Variants in TGFBRAP1 observed in about 807,000 individuals in gnomAD.
TGFBRAP1 encodes transforming growth factor-beta receptor-associated protein 1.
In TGFBRAP1, 20 loss-of-function variants were observed where a neutral mutation model predicts 83.2. The observed-to-expected ratio is 0.24, with a 90% confidence interval of 0.17 to 0.35. The LOEUF (loss-of-function observed/expected upper bound fraction) is 0.35, where lower values mean the gene tolerates loss of function less well. Among genes scored for constraint, TGFBRAP1 ranks in the 10% least tolerant of loss-of-function variants. The probability of loss-of-function intolerance (pLI) is 1.00; values close to 1 mark genes in which losing one functional copy is unlikely to be tolerated. For missense variants in TGFBRAP1, 950 were observed against 1,099.4 expected, an observed-to-expected ratio of 0.86 and a Z score of 1.92; for synonymous variants, 415 against 459.8, an observed-to-expected ratio of 0.90 and a Z score of 1.25.
In TGFBRAP1 at chr2:105,267,341, G is replaced by A; in HGVS notation, c.*42C>T. The A allele has an allele frequency of 6.2e-7, 1 of 1,607,414 alleles. No individual in the cohort carries two copies. The highest frequency in any genetic ancestry group is 8.5e-7 in the Non-Finnish European group (1 of 1,175,836). On this transcript the variant is annotated 3_prime_UTR_variant, in exon 12 of 12. Coordinates refer to ENST00000393359, the MANE Select transcript of TGFBRAP1 (RefSeq NM_004257.6). Reference sequence around the variant, plus strand: ...CTGCTCTTCATGTCCAGCAGGCTCAGAAAGAACTCGGAGTTCCCCTCGCAC... The same window carrying A: ...CTGCTCTTCATGTCCAGCAGGCTCAAAAAGAACTCGGAGTTCCCCTCGCAC...
chr2:105,257,086 G>A, the TGFBRAP1 span, among the ~76,000 whole-genome samples: 2 of 152,172 alleles, frequency 1.3e-5, no homozygotes, highest in East Asian at 3.9e-4. Context: ...AGCCCTTGGG[G>A]CTGCTCTATG....
At chr2:105,286,070 A>G (rs1677710362) in intron 4 of TGFBRAP1, among the ~76,000 whole-genome samples, 1 of 152,132 alleles carries the variant, frequency 6.6e-6, no homozygotes, top group Non-Finnish European at 1.5e-5. Flanking sequence ...CAGAACGGCA[A>G]TTTATTCCTT....
At chr2:105,326,847 T>C (rs1679238365) in intron 1 of TGFBRAP1, among the ~76,000 whole-genome samples, 1 of 152,252 alleles carries the variant, frequency 6.6e-6, no homozygotes, top group Non-Finnish European at 1.5e-5. Context: ...GTTACTTGAC[T>C]ATCAAGAAAA....
At chr2:105,299,726 C>T (rs945550964) in intron 2 of TGFBRAP1, among the ~76,000 whole-genome samples, 10 of 152,010 alleles carry the variant, frequency 6.6e-5, no homozygotes, top group African/African-American at 2.4e-4. Flanking sequence ...GAGACCCCAC[C>T]TCAAAATAAA....
rs1427943234 is a variant in TGFBRAP1 at position 105,265,172 on chromosome 2, T to TA, written c.*2210dup. 2.0e-5 allele frequency: 3 copies of TA among 152,054 alleles called. No homozygotes were observed. Among genetic ancestry groups the TA allele is most frequent in the African/African-American group, 7.2e-5 (3 of 41,396 alleles). 9.4% of individuals were successfully genotyped at this position (152,054 alleles called of 1,614,324 possible). A position where few individuals can be genotyped will look rare whatever the true frequency, so the allele number is the denominator to read the frequency against. On this transcript the variant is annotated 3_prime_UTR_variant, in exon 12 of 12. Transcript: ENST00000393359. Reference sequence around the variant, plus strand: ...TATTGATCAATGTTCAGTGAAAAAATAAAAATGACTAGTGTTGGCTGGGCG... The same window carrying TA: ...TATTGATCAATGTTCAGTGAAAAAATAAAAAATGACTAGTGTTGGCTGGGCG...
At chr2:105,313,406 T>C (rs760427080) in intron 1 of TGFBRAP1, among the ~76,000 whole-genome samples, 3 of 152,228 alleles carry the variant, frequency 2.0e-5, no homozygotes, top group African/African-American at 4.8e-5. Flanking sequence ...GGCTACATTC[T>C]GATTTAATAG....
chr2:105,313,445 G>A (rs985694872), intron 1 of TGFBRAP1, among the ~76,000 whole-genome samples: 13 of 152,174 alleles, frequency 8.5e-5, no homozygotes, highest in African/African-American at 2.7e-4. Flanking sequence ...AGCAAGCACT[G>A]GGTCCAGATG....
At chr2:105,309,238 T>A (rs1294578614) in intron 1 of TGFBRAP1, among the ~76,000 whole-genome samples, 1 of 152,186 alleles carries the variant, frequency 6.6e-6, no homozygotes. Context: ...AAAGGCACAG[T>A]CCCTGTGAGC....
At chr2:105,311,818 A>G (rs986085000) in intron 1 of TGFBRAP1, among the ~76,000 whole-genome samples, 1 of 151,936 alleles carries the variant, frequency 6.6e-6, no homozygotes, top group African/African-American at 2.4e-5. Context: ...CTGAGGCAGG[A>G]GAATCGCTTG....
chr2:105,316,463 G>GT lies in TGFBRAP1; in HGVS notation c.-17-8146_-17-8145insA, dbSNP rs1558654612. Among the ~76,000 whole-genome samples the GT allele has an allele frequency of 1.0e-4, 4 of 38,954 alleles. No homozygotes were observed. In the South Asian group the frequency reaches 3.3e-3, roughly 32 times the overall value. The allele number at this position is 38,954 out of a possible 152,430, so 25.6% of individuals were successfully genotyped here. A position where few individuals can be genotyped will look rare whatever the true frequency, so the allele number is the denominator to read the frequency against. The stretch of plus-strand genomic sequence containing the variant: ...TGTGTGTGTGTGTGTGTGTGTGTGT[G>GT]CGCGCGCGCGCGCGCGCACGCGCAC... On this transcript the variant is annotated intron_variant, in intron 1 of 11. Coordinates refer to ENST00000393359, the MANE Select transcript of TGFBRAP1 (RefSeq NM_004257.6).
In TGFBRAP1 at chr2:105,269,466, C is replaced by T. The variant is rs892024181; in HGVS notation, c.2212G>A (p.Val738Met). 8.1e-6 allele frequency: 13 copies of T among 1,612,852 alleles called. No homozygotes were observed. Among genetic ancestry groups the T allele is most frequent in the African/African-American group, 1.3e-5 (1 of 74,964 alleles). The change falls in exon 11 of 12, where the codon GTG becomes ATG. Residue 738 changes from valine (V) to methionine (M), a missense_variant. By Grantham distance (21) the Val-to-Met change is conservative. Coordinates refer to ENST00000393359, the MANE Select transcript of TGFBRAP1 (RefSeq NM_004257.6). This position sits in a 1 kb window ranked among gnomAD's most constrained non-coding sequence, Gnocchi z 4.1. Reference protein sequence around the residue: ...PTAHELAVAAVDLLNRHATEF... With the variant: ...PTAHELAVAAMDLLNRHATEF... ...GTGGCGTGGCGGTTCAGCAGGTCCA[C>T]GGCAGCCACGGCCAGCTCGTGGGCA...
At chr2:105,298,469 G>C in intron 3 of TGFBRAP1, 42 bp downstream of exon 3, 2 of 1,528,174 alleles carry the variant, frequency 1.3e-6, no homozygotes, top group Non-Finnish European at 1.8e-6. Flanking sequence ...TATCATAAAA[G>C]AGTTAAGTAA....
intron 5 of TGFBRAP1, 70 bp from the exon 6 acceptor site, chr2:105,280,793 C>A: frequency 6.7e-7 from 1 of 1,496,910 alleles, no homozygotes; most frequent in Non-Finnish European, 9.0e-7. Context: ...CAAAACAGCA[C>A]TGGAGGGGAG....
In TGFBRAP1 at chr2:105,298,606, A is replaced by G. The variant is rs1219338225; in HGVS notation, c.788T>C (p.Leu263Pro). 6.2e-7 allele frequency: 1 copy of G among 1,613,990 alleles called. No individual in the cohort carries two copies. Among genetic ancestry groups the G allele is most frequent in the Non-Finnish European group, 8.5e-7 (1 of 1,180,012 alleles). The change falls in exon 3 of 12, where the codon CTC becomes CCC. Residue 263 changes from leucine (L) to proline (P), a missense_variant. Physicochemically the swap from Leu to Pro is moderately conservative, Grantham distance 98 (BLOSUM62 -3). Coordinates refer to ENST00000393359, the MANE Select transcript of TGFBRAP1 (RefSeq NM_004257.6). Reference sequence around the variant, plus strand: ...GTGGACTGTGATGAATTCGTCATCGAGCGCTATGACGTATGGAAAGGACAC... The same window carrying G: ...GTGGACTGTGATGAATTCGTCATCGGGCGCTATGACGTATGGAAAGGACAC... ...AAVSFPYVIA[L>P]DDEFITVHSM...
chr2:105,321,423 C>T (rs1316757572), intron 1 of TGFBRAP1, among the ~76,000 whole-genome samples: 1 of 152,152 alleles, frequency 6.6e-6, no homozygotes, highest in East Asian at 1.9e-4. Context: ...CCACCTCGGC[C>T]TTCCAAAGTG....
In TGFBRAP1 at chr2:105,299,660, T is replaced by C. The variant is rs532003479; in HGVS notation, c.689-955A>G. ...CTATAATCCCAGCTACTTGGGAGGC[T>C]GACACAGGAAGATTGCTTGAGCCCA... On this transcript the variant is annotated intron_variant, in intron 2 of 11. Coordinates refer to ENST00000393359, the MANE Select transcript of TGFBRAP1 (RefSeq NM_004257.6). 1.3e-5 allele frequency among the ~76,000 whole-genome samples: 2 copies of C among 152,024 alleles called. 1 individual carries two copies. Among genetic ancestry groups the C allele is most frequent in the East Asian group, 3.9e-4 (2 of 5,144 alleles).
chr2:105,263,508 C>T (rs777145657), downstream of TGFBRAP1, among the ~76,000 whole-genome samples: 1 of 152,232 alleles, frequency 6.6e-6, no homozygotes, highest in South Asian at 2.1e-4. Flanking sequence ...TTCAAGTATG[C>T]GTGAGTTCAT....
the TGFBRAP1 span, among the ~76,000 whole-genome samples, chr2:105,259,074 T>G: frequency 6.6e-6 from 1 of 152,198 alleles, no homozygotes; most frequent in Admixed American, 6.5e-5. Context: ...CTCTCAAGTT[T>G]GATGTGATGT....
intron 2 of TGFBRAP1, among the ~76,000 whole-genome samples, chr2:105,300,640 T>C (rs112940738): frequency 0.041 from 6,206 of 152,110 alleles, 146 homozygotes; most frequent in South Asian, 0.058. Flanking sequence ...TTTCGCCACG[T>C]TGGCCAGGCT....
Sources: allele counts gnomAD v4.1 joint callset (sites outside exome capture counted in the v4.1 genomes callset), GRCh38; gene constraint gnomAD v4.1.1; non-coding constraint Gnocchi (gnomAD v3.1); transcripts MANE v1.5; gene names NCBI Gene and HGNC (gene_info 2026-07-23, HGNC 2026-07-21).